Variants in ZBTB40 observed in about 807,000 individuals in gnomAD.
ZBTB40 encodes the protein zinc finger and BTB domain-containing protein 40.
In ZBTB40, 60 loss-of-function variants were observed where a neutral mutation model predicts 117.5. That is an observed-to-expected ratio of 0.51 (90% CI 0.41 to 0.63). The LOEUF is 0.63. Ranked by LOEUF, ZBTB40 falls within the 30% of genes least tolerant of loss-of-function variation. The probability of loss-of-function intolerance (pLI) is 0.00; values close to 1 mark genes in which losing one functional copy is unlikely to be tolerated. For missense variants in ZBTB40, 1,287 were observed against 1,498.5 expected, an observed-to-expected ratio of 0.86 and a Z score of 2.33; for synonymous variants, 525 against 577.1, an observed-to-expected ratio of 0.91 and a Z score of 1.29.
At chr1:22,519,098 A>T (rs149475057) in intron 13 of ZBTB40, among the ~76,000 whole-genome samples, 2 of 152,186 alleles carry the variant, frequency 1.3e-5, no homozygotes, top group African/African-American at 4.8e-5. Context: ...AGATTTCAAG[A>T]GCTCATGTCC....
intron 2 of ZBTB40, 40 bp downstream of exon 2, chr1:22,490,685 A>G (rs755216809): frequency 1.9e-6 from 3 of 1,603,448 alleles, no homozygotes; most frequent in African/African-American, 2.7e-5. Context: ...TCTGTTTTCA[A>G]TGATCTTTAT....
chr1:22,505,739 A>G (rs1639060433), intron 5 of ZBTB40, among the ~76,000 whole-genome samples: 1 of 152,246 alleles, frequency 6.6e-6, no homozygotes. Context: ...GAGGTAGGCT[A>G]CTTGCTGTAT....
chr1:22,442,851 T>C (rs1640748912), intron 1 of ZBTB40, among the ~76,000 whole-genome samples: 1 of 152,212 alleles, frequency 6.6e-6, no homozygotes. Flanking sequence ...TCCAACTGTA[T>C]TGAAGAACTA....
chr1:22,431,380 G>GTATATA (rs1299801234), intron 1 of ZBTB40, among the ~76,000 whole-genome samples: 8 of 15,234 alleles, frequency 5.3e-4, no homozygotes, highest in Admixed American at 1.2e-3. Flanking sequence ...GTGTGTGTGT[G>GTATATA]TGTGTATATA....
At chr1:22,434,020 T>G (rs1640637334) in intron 1 of ZBTB40, among the ~76,000 whole-genome samples, 1 of 152,164 alleles carries the variant, frequency 6.6e-6, no homozygotes, top group African/African-American at 2.4e-5. Context: ...AAATGCATTT[T>G]AAAATGTTGG....
At chr1:22,496,909 A>T (rs1638792456) in intron 3 of ZBTB40, among the ~76,000 whole-genome samples, 1 of 152,208 alleles carries the variant, frequency 6.6e-6, no homozygotes. Context: ...CCAGTGGTGG[A>T]TCAGTCCAAG....
intron 1 of ZBTB40, chr1:22,453,094 A>T (rs190725830): frequency 9.2e-5 from 14 of 152,196 alleles, no homozygotes; most frequent in Admixed American, 8.5e-4. Context: ...ACTGCTTTGG[A>T]TTTTATTCTT....
chr1:22,453,041 T>G (rs1640920610), intron 1 of ZBTB40: 1 of 152,244 alleles, frequency 6.6e-6, no homozygotes, highest in South Asian at 2.1e-4. Context: ...GCTGCCAAAT[T>G]GAGCCTGTCC....
At chr1:22,511,414 ACAGCATTTCATATCATAGT>A in intron 10 of ZBTB40, 67 bp downstream of exon 10, 1 of 1,589,092 alleles carries the variant, frequency 6.3e-7, no homozygotes. Flanking sequence ...GAAGAAAGAG[ACAGCATTTCATATCATAGT>A]TTATCACAAC....
chr1:22,501,821 A>G, intron 4 of ZBTB40, 137 bp downstream of exon 4: 1 of 1,003,626 alleles, frequency 1.0e-6, no homozygotes, highest in Non-Finnish European at 1.5e-6. Flanking sequence ...TAAATTCCAG[A>G]AGCTGCATGT....
rs1275978539 is a variant in ZBTB40 at position 22,528,692 on chromosome 1, A to C, written c.*2296A>C. 1 of 122,974 alleles carries C rather than the reference A, an allele frequency of 8.1e-6. No homozygotes were observed. Among genetic ancestry groups the C allele is most frequent in the East Asian group, 2.8e-4 (1 of 3,618 alleles). The allele number at this position is 122,974 out of a possible 1,614,324, so 7.6% of individuals were successfully genotyped here. Reference sequence around the variant, plus strand: ...CAGGCGTGAGCCACCACTGCTGGCCAGTTTTTGTATTTTTTTTTTTTTTTG... The same window carrying C: ...CAGGCGTGAGCCACCACTGCTGGCCCGTTTTTGTATTTTTTTTTTTTTTTG... On this transcript the variant is annotated 3_prime_UTR_variant, in exon 18 of 18. Transcript: ENST00000375647.
intron 1 of ZBTB40, among the ~76,000 whole-genome samples, chr1:22,462,846 A>G (rs1641162537): frequency 6.6e-6 from 1 of 152,236 alleles, no homozygotes; most frequent in South Asian, 2.1e-4. Context: ...GCAGTTGTCT[A>G]TGAATTCTTT....
chr1:22,522,987 A>T (rs1169233356), intron 16 of ZBTB40, among the ~76,000 whole-genome samples: 1 of 126,980 alleles, frequency 7.9e-6, no homozygotes, highest in South Asian at 2.6e-4. Context: ...TCACTCTGTC[A>T]CCCAGGCTGG....
intron 1 of ZBTB40, among the ~76,000 whole-genome samples, chr1:22,485,299 A>ATTG (rs1382470493): frequency 1.3e-5 from 2 of 152,220 alleles, no homozygotes; most frequent in South Asian, 2.1e-4. Context: ...TGGGGAGGTT[A>ATTG]TTGTTGATTC....
intron 1 of ZBTB40, 54 bp downstream of exon 1, chr1:22,452,058 G>A (rs1270834820): frequency 6.6e-6 from 1 of 152,626 alleles, no homozygotes; most frequent in Non-Finnish European, 1.5e-5. Context: ...CTGCAGCGGG[G>A]GCCCGGGTGC....
chr1:22,499,903 T>C (rs1638878490), intron 3 of ZBTB40, among the ~76,000 whole-genome samples: 1 of 152,240 alleles, frequency 6.6e-6, no homozygotes, highest in Non-Finnish European at 1.5e-5. Context: ...GCTGTGTTGA[T>C]ACAGTATTCA....
At chr1:22,481,030 T>G (rs1447569169) in intron 1 of ZBTB40, among the ~76,000 whole-genome samples, 1 of 152,184 alleles carries the variant, frequency 6.6e-6, no homozygotes, top group Non-Finnish European at 1.5e-5. Flanking sequence ...GCTTAGGGCC[T>G]GTACAGGAGT....
At chr1:22,515,692 C>G (rs1421435358) in intron 12 of ZBTB40, among the ~76,000 whole-genome samples, 1 of 152,200 alleles carries the variant, frequency 6.6e-6, no homozygotes, top group Non-Finnish European at 1.5e-5. Context: ...GACAACCCCC[C>G]CATCACAAGA....
At chr1:22,515,484 T>G (rs11800528) in intron 12 of ZBTB40, among the ~76,000 whole-genome samples, 2,323 of 152,330 alleles carry the variant, frequency 0.015, 68 homozygotes, top group African/African-American at 0.052. Context: ...ATTCAAGCTT[T>G]CGGCAGAGTT....
Sources: allele counts gnomAD v4.1 joint callset (sites outside exome capture counted in the v4.1 genomes callset), GRCh38; gene constraint gnomAD v4.1.1; transcripts MANE v1.5; gene names NCBI Gene and HGNC (gene_info 2026-07-23, HGNC 2026-07-21).